Variants in FAM118A observed in about 807,000 individuals in gnomAD.
FAM118A encodes the protein SIR2 antiphage like 2.
Under a neutral mutation model 38.2 loss-of-function variants are expected in FAM118A, and 25 were observed. That is an observed-to-expected ratio of 0.65 (90% CI 0.48 to 0.91). The LOEUF (loss-of-function observed/expected upper bound fraction) is 0.91. Among genes scored for constraint, FAM118A ranks in the 40% least tolerant of loss-of-function variants. The pLI is 0.00. For synonymous variants in FAM118A, 178 were observed against 184.1 expected (o/e 0.97, Z 0.27); for missense variants, 425 against 463.3 (o/e 0.92, Z 0.76).
intron 1 of FAM118A, among the ~76,000 whole-genome samples, chr22:45,319,711 C>T (rs769295834): frequency 2.6e-5 from 4 of 151,856 alleles, no homozygotes; most frequent in African/African-American, 4.8e-5. Context: ...TATTATACAG[C>T]GGAGAAACTC....
intron 5 of FAM118A, among the ~76,000 whole-genome samples, chr22:45,331,814 G>A (rs929714578): frequency 2.0e-5 from 3 of 152,022 alleles, no homozygotes; most frequent in African/African-American, 7.3e-5. Context: ...CTGCATTGGC[G>A]ATTCCCTCCT....
At chr22:45,330,082 A>G (rs2085596596) in intron 4 of FAM118A, 1 of 152,270 alleles carries the variant, frequency 6.6e-6, no homozygotes, top group Non-Finnish European at 1.5e-5. Context: ...AGCAGTAATT[A>G]AAATATAACA....
At chr22:45,330,484 C>T (rs2085628416) in intron 4 of FAM118A, 119 bp from the exon 5 acceptor site, 1 of 1,163,144 alleles carries the variant, frequency 8.6e-7, no homozygotes, top group Non-Finnish European at 1.1e-6. Context: ...AGTGAAGCAT[C>T]TCTCGATGAT....
intron 3 of FAM118A, among the ~76,000 whole-genome samples, chr22:45,327,233 C>T (rs537934697): frequency 9.2e-4 from 139 of 151,770 alleles, no homozygotes; most frequent in Non-Finnish European, 1.5e-3. Context: ...GAGCAAGGCC[C>T]TATCTCAAAA....
At chr22:45,323,525 G>A (rs2085036654) in intron 3 of FAM118A, 98 bp downstream of exon 3, 1 of 1,479,034 alleles carries the variant, frequency 6.8e-7, no homozygotes, top group Non-Finnish European at 9.2e-7. Context: ...CCTAACTTGT[G>A]TTCAGTGCTC....
In FAM118A at chr22:45,332,746, TTTTTC is replaced by T. The variant is rs1249827092; in HGVS notation, c.937+41_937+45del. On this transcript the variant is annotated intron_variant, in intron 6 of 8. Coordinates refer to ENST00000441876, the MANE Select transcript of FAM118A (RefSeq NM_017911.4). Reference sequence around the variant, plus strand: ...TGGCTTCACTTTCCTTTTTCTTTCTTTTTTCTTTTTTTTTTTTGAGACGGAGTTTT... The same window carrying T: ...TGGCTTCACTTTCCTTTTTCTTTCTTTTTTTTTTTTTTGAGACGGAGTTTT... The T allele has an allele frequency of 1.5e-5, 23 of 1,486,264 alleles. No individual in the cohort carries two copies. In the Admixed American group the frequency reaches 1.9e-4, roughly 12 times the overall value. The allele number at this position is 1,486,264 out of a possible 1,614,324, so 92.1% of individuals were successfully genotyped here.
Position 45,340,487 on chromosome 22 carries a change from T to A in FAM118A, c.*82T>A. ...AAACGAAGAGGAATGTATGGAGAAC[T>A]CCACGTGGATCTCTGATTGCGAAAC... is the stretch of plus-strand genomic sequence containing the variant. On this transcript the variant is annotated 3_prime_UTR_variant, in exon 9 of 9. Coordinates refer to ENST00000441876, the MANE Select transcript of FAM118A (RefSeq NM_017911.4). 1 of 1,484,986 alleles carries A rather than the reference T, an allele frequency of 6.7e-7. No homozygotes were observed. The highest frequency in any genetic ancestry group is 9.4e-7 in the Non-Finnish European group (1 of 1,062,518). 92.0% of individuals were successfully genotyped at this position (1,484,986 alleles called of 1,614,324 possible).
At position 45,338,386 on chromosome 22, in the gene FAM118A, T is replaced by C. The variant is rs929942755; in HGVS notation, c.1054+1975T>C. Among the ~76,000 whole-genome samples the C allele has an allele frequency of 3.3e-5, 5 of 152,126 alleles. No homozygotes were observed. The South Asian group carries it at 6.2e-4, about 19-fold the overall frequency. ...CTGGGACTACAGTCGCACACCACCATGCCCGACTAATTTTGTACTTTTAGT... is the reference window on the plus strand; with the variant it reads ...CTGGGACTACAGTCGCACACCACCACGCCCGACTAATTTTGTACTTTTAGT... On this transcript the variant is annotated intron_variant, in intron 8 of 8. Transcript: ENST00000441876.
At chr22:45,338,454 C>T (rs1050963075) in intron 8 of FAM118A, among the ~76,000 whole-genome samples, 1 of 152,172 alleles carries the variant, frequency 6.6e-6, no homozygotes, top group Non-Finnish European at 1.5e-5. Context: ...GTCTCAAACT[C>T]CTGACCTTGT....
chr22:45,315,073 T>C (rs1230895285), intron 1 of FAM118A, among the ~76,000 whole-genome samples: 1 of 152,238 alleles, frequency 6.6e-6, no homozygotes, highest in Non-Finnish European at 1.5e-5. Context: ...TATTAAAGGC[T>C]GAAAAAGTGG....
chr22:45,330,444 T>G, intron 4 of FAM118A, 159 bp from the exon 5 acceptor site: 1 of 752,372 alleles, frequency 1.3e-6, no homozygotes, highest in Non-Finnish European at 1.9e-6. Flanking sequence ...ACAACCAAGT[T>G]TCTCTTAGGT....
chr22:45,322,391 G>A lies in FAM118A; in HGVS notation c.12G>A (p.Val4=), dbSNP rs549244871. 74 of 1,611,068 alleles carry A rather than the reference G, an allele frequency of 4.6e-5. 2 individuals carry two copies. The South Asian group carries it at 7.9e-4, about 17-fold the overall frequency. ...TTTAGAATTCACAGATGGATTCAGT[G>A]GAAAAGACAACAAATAGAAGTGAAC... MDS[V]EKTTNRSEQK... The change falls in exon 2 of 9, where the codon GTG becomes GTA. Residue 4 remains valine, a synonymous_variant. Transcript: ENST00000441876.
intron 8 of FAM118A, among the ~76,000 whole-genome samples, chr22:45,337,114 C>T (rs1160439071): frequency 6.6e-6 from 1 of 152,120 alleles, no homozygotes; most frequent in Admixed American, 6.5e-5. Flanking sequence ...AAATAACATA[C>T]TTAAGCCAGA....
At position 45,335,470 on chromosome 22, in the gene FAM118A, G is replaced by C. The variant is rs559597107; in HGVS notation, c.970+88G>C. The C allele has an allele frequency of 7.6e-5, 111 of 1,467,572 alleles. 1 individual carries two copies. In the South Asian group the frequency reaches 1.1e-3, roughly 14 times the overall value. 90.9% of individuals were successfully genotyped at this position (1,467,572 alleles called of 1,614,324 possible). On this transcript the variant is annotated intron_variant, in intron 7 of 8. Coordinates refer to ENST00000441876, the MANE Select transcript of FAM118A (RefSeq NM_017911.4). ...ACTAACTGTAAAATCATAAACGTTT[G>C]TTTTTCACCTTAAATAATTAGCTTG...
intron 5 of FAM118A, among the ~76,000 whole-genome samples, chr22:45,331,782 C>T (rs1193742169): frequency 2.6e-5 from 4 of 152,070 alleles, no homozygotes; most frequent in Non-Finnish European, 5.9e-5. Flanking sequence ...TGAGACTGAG[C>T]CTCTCTGAGA....
At chr22:45,330,816 C>T in intron 5 of FAM118A, 85 bp downstream of exon 5, 1 of 1,381,994 alleles carries the variant, frequency 7.2e-7, no homozygotes, top group East Asian at 2.7e-5. Flanking sequence ...GAGTGGCTTC[C>T]CAGGCTCCAG....
chr22:45,340,562 G>A lies in FAM118A; in HGVS notation c.*157G>A. ...ATGGGCATGTGGCCCTCAAGGCTGGGTGAGAGGGCTCCCCTGTGTGTTGAA... is the reference window on the plus strand; with the variant it reads ...ATGGGCATGTGGCCCTCAAGGCTGGATGAGAGGGCTCCCCTGTGTGTTGAA... On this transcript the variant is annotated 3_prime_UTR_variant, in exon 9 of 9. Coordinates refer to ENST00000441876, the MANE Select transcript of FAM118A (RefSeq NM_017911.4). 1.2e-6 allele frequency: 1 copy of A among 809,540 alleles called. No individual in the cohort carries two copies. The highest frequency in any genetic ancestry group is 2.1e-6 in the Non-Finnish European group (1 of 477,590). 50.1% of individuals were successfully genotyped at this position (809,540 alleles called of 1,614,324 possible). A position where few individuals can be genotyped will look rare whatever the true frequency, so the allele number is the denominator to read the frequency against.
At chr22:45,317,594 C>T (rs1233324978) in intron 1 of FAM118A, among the ~76,000 whole-genome samples, 1 of 152,232 alleles carries the variant, frequency 6.6e-6, no homozygotes, top group African/African-American at 2.4e-5. Context: ...TTCATTCGTC[C>T]ATCTGCTCTG....
chr22:45,312,891 A>G (rs1339935388), intron 1 of FAM118A, among the ~76,000 whole-genome samples: 5 of 152,226 alleles, frequency 3.3e-5, no homozygotes, highest in Non-Finnish European at 7.4e-5. Context: ...CAGCCCTTTT[A>G]TGCCTTTTAT....
Sources: gnomAD v4.1 joint callset for allele counts (sites outside exome capture counted in the v4.1 genomes callset) on GRCh38, gnomAD v4.1.1 for gene constraint, MANE v1.5 for transcripts, NCBI Gene and HGNC (gene_info 2026-07-23, HGNC 2026-07-21) for gene names.